The following SORL1 variants were observed in gnomAD, a reference collection of about 807,000 sequenced individuals.
SORL1 encodes sortilin-related receptor.
A neutral mutation model predicts 273.7 loss-of-function variants in SORL1; 127 were observed. The observed-to-expected ratio is 0.46, with a 90% CI of 0.40 to 0.54. SORL1 has a LOEUF of 0.54. Ranked by LOEUF, SORL1 falls within the 20% of genes least tolerant of loss-of-function variation. The probability of loss-of-function intolerance (pLI) is 0.00; values close to 1 mark genes in which losing one functional copy is unlikely to be tolerated. For missense variants in SORL1, 2,494 were observed against 2,846.1 expected (o/e 0.88, Z 2.81); for synonymous variants, 1,031 against 1,067.4 (o/e 0.97, Z 0.66).
intron 35 of SORL1, 147 bp from the exon 36 acceptor site, chr11:121,606,698 A>T: frequency 1.6e-6 from 1 of 626,530 alleles, no homozygotes; most frequent in Non-Finnish European, 2.9e-6. Flanking sequence ...TGTCTTTTCA[A>T]TGTGACGACC....
intron 5 of SORL1, 84 bp from the exon 6 acceptor site, chr11:121,496,785 A>T (rs1357002232): frequency 1.8e-6 from 2 of 1,128,080 alleles, no homozygotes; most frequent in Non-Finnish European, 2.5e-6. Flanking sequence ...CCTAAACTCT[A>T]GTTGATTATC....
chr11:121,625,298 G>A, intron 46 of SORL1, 21 bp downstream of exon 46: 6 of 1,587,738 alleles, frequency 3.8e-6, no homozygotes, highest in Non-Finnish European at 5.2e-6. Context: ...ATTGCTGCCC[G>A]TTTCTGTCTT....
Position 121,587,053 on chromosome 11 carries a change from T to C in SORL1, c.3814+724T>C, listed in dbSNP as rs77340373. 5.3e-5 allele frequency among the ~76,000 whole-genome samples: 8 copies of C among 152,332 alleles called. No homozygotes were observed. The South Asian group carries it at 1.7e-3, about 32-fold the overall frequency. Reference sequence around the variant, plus strand: ...TTTGATTTGCATACAGTAACTACTATTTGTTTACATATTGTATATGGCTGC... The same window carrying C: ...TTTGATTTGCATACAGTAACTACTACTTGTTTACATATTGTATATGGCTGC... On this transcript the variant is annotated intron_variant, in intron 27 of 47. Coordinates refer to ENST00000260197, the MANE Select transcript of SORL1 (RefSeq NM_003105.6).
intron 14 of SORL1, among the ~76,000 whole-genome samples, chr11:121,549,366 G>C (rs918120739): frequency 3.9e-5 from 6 of 152,048 alleles, no homozygotes; most frequent in African/African-American, 7.2e-5. Context: ...GGGACCACAG[G>C]TGTGCAGCAC....
intron 41 of SORL1, among the ~76,000 whole-genome samples, chr11:121,617,450 G>A (rs1863658424): frequency 6.6e-6 from 1 of 152,164 alleles, no homozygotes; most frequent in Admixed American, 6.5e-5. Context: ...TGGTTTGTAG[G>A]ACATGACTCC....
Position 121,459,763 on chromosome 11 carries a change from T to C in SORL1, c.285+7147T>C, listed in dbSNP as rs372822736. Among the ~76,000 whole-genome samples, 27 of 152,378 alleles carry C rather than the reference T, an allele frequency of 1.8e-4. 1 individual carries two copies. In the East Asian group the frequency reaches 4.0e-3, roughly 23 times the overall value. On this transcript the variant is annotated intron_variant, in intron 1 of 47. Transcript: ENST00000260197. ...GCCATCTCCCTGCCCTGCCCTTTGC[T>C]TCCTGTGCTTTTGTTGACTTACCTT...
At chr11:121,481,629 G>A (rs562215950) in intron 3 of SORL1, among the ~76,000 whole-genome samples, 3 of 87,450 alleles carry the variant, frequency 3.4e-5, no homozygotes, top group African/African-American at 1.1e-4. Flanking sequence ...CATCTCCCCA[G>A]CTCCTCCCCT....
At position 121,499,858 on chromosome 11, in the gene SORL1, A is replaced by T. The variant is rs973766707; in HGVS notation, c.939+2809A>T. Among the ~76,000 whole-genome samples the T allele has an allele frequency of 2.6e-5, 4 of 152,346 alleles. No individual in the cohort carries two copies. In the East Asian group the frequency reaches 5.8e-4, roughly 22 times the overall value. ...ATCAAAGAACTGATTTTAAAGCTAC[A>T]GAAAGCTGGTTTTGCATGATTAACT... On this transcript the variant is annotated intron_variant, in intron 6 of 47. Coordinates refer to ENST00000260197, the MANE Select transcript of SORL1 (RefSeq NM_003105.6).
intron 26 of SORL1, among the ~76,000 whole-genome samples, chr11:121,584,193 C>T (rs1565344582): frequency 6.6e-6 from 1 of 152,206 alleles, no homozygotes; most frequent in Non-Finnish European, 1.5e-5. Flanking sequence ...GTGAAAGGTT[C>T]TGACCAGTTT....
At chr11:121,601,151 G>GT (rs1203603431) in intron 32 of SORL1, among the ~76,000 whole-genome samples, 1 of 145,554 alleles carries the variant, frequency 6.9e-6, no homozygotes, top group Non-Finnish European at 1.5e-5. Context: ...GTGGTGTTTG[G>GT]TTTTTTGTTC....
rs1161171870 is a variant in SORL1, at chr11:121,586,707, G to A, written c.3814+378G>A. 8.7e-5 allele frequency among the ~76,000 whole-genome samples: 5 copies of A among 57,778 alleles called. 1 individual carries two copies. Among genetic ancestry groups the A allele is most frequent in the South Asian group, 1.6e-3 (2 of 1,236 alleles). 37.9% of individuals were successfully genotyped at this position (57,778 alleles called of 152,430 possible). A position where few individuals can be genotyped will look rare whatever the true frequency, so the allele number is the denominator to read the frequency against. On this transcript the variant is annotated intron_variant, in intron 27 of 47. Coordinates refer to ENST00000260197, the MANE Select transcript of SORL1 (RefSeq NM_003105.6). The stretch of plus-strand genomic sequence containing the variant: ...TGGGGGTAGAGTGGGGGGGGGGGCG[G>A]GGGGGGGGCATTTTTAGGCCAGATG...
chr11:121,463,726 A>C (rs1254537344), intron 1 of SORL1, among the ~76,000 whole-genome samples: 1 of 152,208 alleles, frequency 6.6e-6, no homozygotes, highest in Non-Finnish European at 1.5e-5. Flanking sequence ...TCAAAAGTCA[A>C]GTGAGTGAGC....
At chr11:121,617,813 G>A (rs1051401860) in intron 41 of SORL1, among the ~76,000 whole-genome samples, 5 of 152,138 alleles carry the variant, frequency 3.3e-5, no homozygotes, top group African/African-American at 4.8e-5. Context: ...AGTTTCCAAC[G>A]TTTACCAGTT....
chr11:121,551,111 A>G (rs1406635935), intron 16 of SORL1, among the ~76,000 whole-genome samples: 1 of 152,250 alleles, frequency 6.6e-6, no homozygotes, highest in Non-Finnish European at 1.5e-5. Flanking sequence ...TATAGATTTC[A>G]GTGTACTTTT....
intron 11 of SORL1, among the ~76,000 whole-genome samples, chr11:121,525,568 CT>C (rs1862109178): frequency 6.6e-6 from 1 of 152,210 alleles, no homozygotes; most frequent in Non-Finnish European, 1.5e-5. Context: ...ATTTTAATTG[CT>C]TCACATCTTT....
intron 11 of SORL1, among the ~76,000 whole-genome samples, chr11:121,531,191 C>G (rs1294104594): frequency 6.6e-6 from 1 of 152,064 alleles, no homozygotes; most frequent in Admixed American, 6.5e-5. Flanking sequence ...GTCAGGAGCT[C>G]GAGACCAGCC....
rs974021797 is a variant in SORL1 at position 121,504,367 on chromosome 11, G to A, written c.939+7318G>A. Among the ~76,000 whole-genome samples the A allele has an allele frequency of 1.2e-4, 19 of 152,144 alleles. No individual in the cohort carries two copies. In the East Asian group the frequency reaches 1.4e-3, roughly 11 times the overall value. Reference sequence around the variant, plus strand: ...GTGGAGATTGCAGTGAGCTGAGATCGTGCCACTGCACTCCAGCCTGGGCGA... The same window carrying A: ...GTGGAGATTGCAGTGAGCTGAGATCATGCCACTGCACTCCAGCCTGGGCGA... On this transcript the variant is annotated intron_variant, in intron 6 of 47. Coordinates refer to ENST00000260197, the MANE Select transcript of SORL1 (RefSeq NM_003105.6).
At chr11:121,460,565 G>A (rs1860982378) in intron 1 of SORL1, among the ~76,000 whole-genome samples, 1 of 151,616 alleles carries the variant, frequency 6.6e-6, no homozygotes, top group Non-Finnish European at 1.5e-5. Flanking sequence ...CCGGCTAATT[G>A]TTTTGTATTT....
intron 2 of SORL1, among the ~76,000 whole-genome samples, chr11:121,474,906 A>G (rs1861238913): frequency 6.6e-6 from 1 of 152,260 alleles, no homozygotes; most frequent in Non-Finnish European, 1.5e-5. Flanking sequence ...ACTGTGCACC[A>G]GCTTTAAGCA....
Sources: allele counts gnomAD v4.1 joint callset (sites outside exome capture counted in the v4.1 genomes callset), GRCh38; gene constraint gnomAD v4.1.1; transcripts MANE v1.5; gene names NCBI Gene and HGNC (gene_info 2026-07-23, HGNC 2026-07-21).